The following OTC variants were observed in gnomAD, a reference collection of about 807,000 sequenced individuals.
The protein encoded by OTC is ornithine transcarbamylase.
A neutral mutation model predicts 30.3 loss-of-function variants in OTC; 3 were observed. The observed-to-expected ratio is 0.10, with a 90% CI of 0.05 to 0.26. The LOEUF (loss-of-function observed/expected upper bound fraction) is 0.26. OTC is among the 10% of genes least tolerant of loss of function. OTC has a pLI of 1.00. For synonymous variants in OTC, 111 were observed against 99.7 expected (o/e 1.11, Z -0.67); for missense variants, 194 against 260.3 (o/e 0.75, Z 1.75).
At chrX:38,393,185 C>T (rs907207432) in intron 4 of OTC, among the ~76,000 whole-genome samples, 3 of 111,978 alleles carry the variant, frequency 2.7e-5, no homozygotes, top group Non-Finnish European at 5.6e-5. Flanking sequence ...GTGAACAAAA[C>T]GAATCTACTC....
chrX:38,413,032 G>A (rs956844016), intron 9 of OTC, among the ~76,000 whole-genome samples: 4 of 111,797 alleles, frequency 3.6e-5, no homozygotes, highest in South Asian at 3.8e-4. Context: ...CAATCTCTCC[G>A]AAGACGGCTT....
downstream of OTC, among the ~76,000 whole-genome samples, chrX:38,421,921 C>CTT (rs201293063): frequency 0.23 from 25,238 of 110,664 alleles, 2,925 homozygotes; most frequent in East Asian, 0.6. Flanking sequence ...TTTAGCCAAT[C>CTT]TTTTTCCTCT....
chrX:38,401,170 A>C (rs1481349273), intron 4 of OTC, 105 bp from the exon 5 acceptor site: 2 of 643,977 alleles, frequency 3.1e-6, no homozygotes, highest in African/African-American at 4.4e-5. Context: ...CATGTAGTAA[A>C]AATTCTATTT....
chrX:38,405,890 C>G (rs1050054785), intron 6 of OTC, among the ~76,000 whole-genome samples: 2 of 112,232 alleles, frequency 1.8e-5, no homozygotes, highest in Non-Finnish European at 3.8e-5. Context: ...TTGGTTCCCA[C>G]AGATGAAACA....
At chrX:38,346,396 C>T in the OTC span, among the ~76,000 whole-genome samples, 4 of 112,248 alleles carry the variant, frequency 3.6e-5, no homozygotes, top group Non-Finnish European at 7.5e-5. Flanking sequence ...GTGACAGTTT[C>T]TTCAACAGTT....
rs754327676 is a variant in OTC at position 38,415,330 on chromosome X, C to T, written c.1005+3331C>T. Among the ~76,000 whole-genome samples the T allele has an allele frequency of 7.3e-5, 8 of 109,035 alleles. No homozygotes were observed. In the South Asian group the frequency reaches 1.7e-3, roughly 23 times the overall value. 94.7% of individuals were successfully genotyped at this position (109,035 alleles called of 115,157 possible). On this transcript the variant is annotated intron_variant, in intron 9 of 9. Transcript: ENST00000039007. ...CTGACCTCAGGAGATCCACCTGCCTCGGCCTCCCAAAGTGCTGGGATTATA... is the reference window on the plus strand; with the variant it reads ...CTGACCTCAGGAGATCCACCTGCCTTGGCCTCCCAAAGTGCTGGGATTATA...
In OTC at chrX:38,357,648, C is replaced by G. The variant is rs139928723; in HGVS notation, c.77+4875C>G. Among the ~76,000 whole-genome samples the G allele has an allele frequency of 8.3e-3, 932 of 112,434 alleles. 6 individuals are homozygous for G. The highest frequency in any genetic ancestry group is 0.014 in the Admixed American group (144 of 10,632). On this transcript the variant is annotated intron_variant, in intron 1 of 9. Transcript: ENST00000039007. ...ATACATCCAAGTCTCTCCCACCCCC[C>G]AGTTTACCAGAGTTGGAAAATGCAG...
chrX:38,397,373 C>G (rs757686703), intron 4 of OTC, among the ~76,000 whole-genome samples: 243 of 111,942 alleles, frequency 2.2e-3, no homozygotes, highest in African/African-American at 7.3e-3. Flanking sequence ...CTCTTGTTTC[C>G]TGGCAAGAAC....
chrX:38,408,719 G>T, intron 6 of OTC, 23 bp from the exon 7 acceptor site: 1 of 1,125,742 alleles, frequency 8.9e-7, no homozygotes, highest in Non-Finnish European at 1.2e-6. Flanking sequence ...ACCTAAATAA[G>T]ATTTAAATTC....
Position 38,352,633 on chromosome X carries a change from C to T in OTC, c.-64C>T, listed in dbSNP as rs962533162. 1.2e-5 allele frequency: 11 copies of T among 886,619 alleles called. No homozygotes were observed. Among genetic ancestry groups the T allele is most frequent in the African/African-American group, 3.9e-5 (2 of 50,926 alleles). The allele number at this position is 886,619 out of a possible 1,213,427, so 73.1% of individuals were successfully genotyped here. A position where few individuals can be genotyped will look rare whatever the true frequency, so the allele number is the denominator to read the frequency against. The stretch of plus-strand genomic sequence containing the variant: ...CATTTCTTAGTTTTTAGGTGGCCCC[C>T]GCTGGCTAACTTGCTGTGGAGTTTT... On this transcript the variant is annotated 5_prime_UTR_variant, in exon 1 of 10. Transcript: ENST00000039007.
chrX:38,372,476 T>G (rs2068327988), intron 3 of OTC, among the ~76,000 whole-genome samples: 1 of 112,882 alleles, frequency 8.9e-6, no homozygotes, highest in Admixed American at 9.4e-5. Flanking sequence ...AGTCATGTTT[T>G]CTTCTAGTAA....
chrX:38,329,640 C>T, the OTC span, among the ~76,000 whole-genome samples: 1 of 111,798 alleles, frequency 8.9e-6, no homozygotes, highest in African/African-American at 3.3e-5. Flanking sequence ...TTGCTTTTTG[C>T]AACCAATCAG....
chrX:38,364,888 A>T (rs1377897753), intron 1 of OTC, among the ~76,000 whole-genome samples: 2 of 111,990 alleles, frequency 1.8e-5, no homozygotes, highest in African/African-American at 3.2e-5. Context: ...AGACCTCTGA[A>T]GGGCTCAGTC....
the OTC span, among the ~76,000 whole-genome samples, chrX:38,337,362 G>A: frequency 3.7e-4 from 41 of 112,326 alleles, no homozygotes; most frequent in African/African-American, 1.3e-3. Flanking sequence ...CCTCTGCACT[G>A]TGTGCCTTCT....
chrX:38,355,297 A>G (rs756975811), intron 1 of OTC, among the ~76,000 whole-genome samples: 4 of 111,869 alleles, frequency 3.6e-5, no homozygotes, highest in Non-Finnish European at 5.6e-5. Context: ...TTTCCATGTC[A>G]TAAACAAGGC....
chrX:38,363,339 TAGTCAAGA>T (rs1454281735), intron 1 of OTC, among the ~76,000 whole-genome samples: 11 of 112,132 alleles, frequency 9.8e-5, no homozygotes, highest in Non-Finnish European at 1.9e-4. Context: ...GTAAGACATG[TAGTCAAGA>T]AGGTTTATCT....
chrX:38,390,889 G>A (rs761293471), intron 4 of OTC, among the ~76,000 whole-genome samples: 2 of 111,985 alleles, frequency 1.8e-5, no homozygotes, highest in East Asian at 5.6e-4. Context: ...GGTCATGAGA[G>A]GCTTTGTTTA....
At chrX:38,360,070 G>A (rs2068263937) in intron 1 of OTC, among the ~76,000 whole-genome samples, 1 of 108,593 alleles carries the variant, frequency 9.2e-6, no homozygotes, top group Admixed American at 9.9e-5. Flanking sequence ...ACAGGTGCCT[G>A]CCACCACGCC....
chrX:38,415,809 C>T (rs917915989), intron 9 of OTC, among the ~76,000 whole-genome samples: 3 of 112,069 alleles, frequency 2.7e-5, no homozygotes, highest in African/African-American at 9.7e-5. Context: ...GAGCCAAGAT[C>T]GTGCCACTGC....
Sources: gnomAD v4.1 joint callset for allele counts (sites outside exome capture counted in the v4.1 genomes callset) on GRCh38, gnomAD v4.1.1 for gene constraint, MANE v1.5 for transcripts, NCBI Gene and HGNC (gene_info 2026-07-23, HGNC 2026-07-21) for gene names.